The following OLFM3 variants were observed in gnomAD, a reference collection of about 807,000 sequenced individuals.
The protein encoded by OLFM3 is olfactomedin 3, also known as noelin-3.
A neutral mutation model predicts 48.6 loss-of-function variants in OLFM3; 20 were observed. The observed-to-expected ratio is 0.41, with a 90% CI of 0.29 to 0.60. The LOEUF (loss-of-function observed/expected upper bound fraction) is 0.60. OLFM3 is among the 20% of genes least tolerant of loss of function. The pLI is 0.28. For missense variants in OLFM3, 437 were observed against 544.3 expected (o/e 0.80, Z 1.96); for synonymous variants, 222 against 198.1 (o/e 1.12, Z -1.01).
At chr1:101,828,050 GTCTC>G (rs755584838) in intron 3 of OLFM3, among the ~76,000 whole-genome samples, 5 of 134,918 alleles carry the variant, frequency 3.7e-5, no homozygotes, top group Non-Finnish European at 7.9e-5. Flanking sequence ...CTGTCTGTCT[GTCTC>G]TCTCTCTCTC....
intron 5 of OLFM3, 102 bp downstream of exon 5, chr1:101,805,974 T>G (rs1653752783): frequency 1.4e-6 from 1 of 738,674 alleles, no homozygotes; most frequent in African/African-American, 1.8e-5. Context: ...GTACCAGTTT[T>G]CAAGTACAAA....
At chr1:101,876,376 A>C (rs1227939807) in intron 1 of OLFM3, among the ~76,000 whole-genome samples, 1 of 151,956 alleles carries the variant, frequency 6.6e-6, no homozygotes, top group Admixed American at 6.6e-5. Context: ...GGCAACGAGC[A>C]CTCAGAGAAA....
chr1:101,819,711 G>T (rs1400440010), intron 4 of OLFM3, among the ~76,000 whole-genome samples: 2 of 151,898 alleles, frequency 1.3e-5, no homozygotes, highest in Non-Finnish European at 2.9e-5. Context: ...ATCTGGGGGG[G>T]TCTTTATTAT....
At chr1:101,830,911 C>T in intron 2 of OLFM3, 84 bp from the exon 3 acceptor site, 20 of 1,276,298 alleles carry the variant, frequency 1.6e-5, no homozygotes, top group Non-Finnish European at 2.2e-5. Context: ...ATGCCGTTAA[C>T]ATAAAAACTA....
intron 1 of OLFM3, among the ~76,000 whole-genome samples, chr1:101,939,648 T>C (rs1314460555): frequency 6.6e-6 from 1 of 152,170 alleles, no homozygotes. Context: ...AGGAGTAGAC[T>C]CAATGTGTGT....
intron 1 of OLFM3, among the ~76,000 whole-genome samples, chr1:101,946,603 TAGTC>T (rs1474585893): frequency 6.6e-6 from 1 of 152,212 alleles, no homozygotes; most frequent in African/African-American, 2.4e-5. Context: ...ATTATGTTCT[TAGTC>T]ATTCAGTTAT....
At chr1:101,805,798 A>C (rs1363944719) in intron 5 of OLFM3, among the ~76,000 whole-genome samples, 1 of 151,796 alleles carries the variant, frequency 6.6e-6, no homozygotes, top group African/African-American at 2.4e-5. Flanking sequence ...TTTTAGAAAG[A>C]GTATACAGGA....
At chr1:101,919,842 A>G (rs1659039643) in intron 1 of OLFM3, among the ~76,000 whole-genome samples, 1 of 152,172 alleles carries the variant, frequency 6.6e-6, no homozygotes, top group African/African-American at 2.4e-5. Flanking sequence ...GGAGACTCAT[A>G]AACTCAGCAT....
chr1:101,941,365 T>C (rs1659790077), intron 1 of OLFM3, among the ~76,000 whole-genome samples: 1 of 152,128 alleles, frequency 6.6e-6, no homozygotes, highest in African/African-American at 2.4e-5. Context: ...TTGGTTTTCC[T>C]GGATGGAATT....
At chr1:101,881,478 T>C (rs1657523329) in intron 1 of OLFM3, among the ~76,000 whole-genome samples, 1 of 151,868 alleles carries the variant, frequency 6.6e-6, no homozygotes, top group South Asian at 2.1e-4. Flanking sequence ...GTTCAGTCTT[T>C]TCAGAATGAG....
intron 1 of OLFM3, among the ~76,000 whole-genome samples, chr1:101,989,704 A>G (rs889378373): frequency 2.0e-5 from 3 of 152,200 alleles, no homozygotes; most frequent in Non-Finnish European, 1.5e-5. Flanking sequence ...AAATATTACA[A>G]TAGCTAATTG....
chr1:101,915,685 C>T (rs1658902848), intron 1 of OLFM3, among the ~76,000 whole-genome samples: 1 of 152,136 alleles, frequency 6.6e-6, no homozygotes, highest in African/African-American at 2.4e-5. Flanking sequence ...AGAATGGTTT[C>T]ACGTCCTATC....
chr1:101,869,036 T>G (rs1656969485), intron 1 of OLFM3, among the ~76,000 whole-genome samples: 1 of 152,174 alleles, frequency 6.6e-6, no homozygotes, highest in African/African-American at 2.4e-5. Context: ...GGTACCCTCA[T>G]GGGGAAACAC....
intron 1 of OLFM3, among the ~76,000 whole-genome samples, chr1:101,895,445 A>ACACACT (rs912307039): frequency 6.9e-6 from 1 of 145,336 alleles, no homozygotes; most frequent in African/African-American, 2.5e-5. Flanking sequence ...ACACACACAC[A>ACACACT]CACTCACTCA....
intron 4 of OLFM3, among the ~76,000 whole-genome samples, chr1:101,816,605 C>T (rs1654348740): frequency 6.6e-6 from 1 of 152,090 alleles, no homozygotes; most frequent in Non-Finnish European, 1.5e-5. Context: ...AAATCTAGGC[C>T]ACAGCATTCA....
chr1:101,884,618 A>G (rs113167810), intron 1 of OLFM3, among the ~76,000 whole-genome samples: 2 of 152,162 alleles, frequency 1.3e-5, no homozygotes, highest in African/African-American at 4.8e-5. Flanking sequence ...GTGCAAATGC[A>G]GTCAATTTAT....
chr1:101,912,629 C>T (rs138745265), intron 1 of OLFM3, among the ~76,000 whole-genome samples: 3,762 of 152,244 alleles, frequency 0.025, 62 homozygotes, highest in Middle Eastern at 0.034. Flanking sequence ...GAGACGCCTA[C>T]AGGGAGAGAA....
intron 1 of OLFM3, among the ~76,000 whole-genome samples, chr1:101,897,730 A>G (rs1040279070): frequency 6.6e-6 from 1 of 152,204 alleles, no homozygotes; most frequent in Non-Finnish European, 1.5e-5. Context: ...ACATTAAAAT[A>G]TGAAATAAAT....
intron 1 of OLFM3, among the ~76,000 whole-genome samples, chr1:101,951,547 G>GCCT (rs1660144912): frequency 6.6e-6 from 1 of 152,114 alleles, no homozygotes; most frequent in Non-Finnish European, 1.5e-5. Flanking sequence ...ATCTGTAAGT[G>GCCT]CCTCAGAATT....
Sources: gnomAD v4.1 joint callset for allele counts (sites outside exome capture counted in the v4.1 genomes callset) on GRCh38, gnomAD v4.1.1 for gene constraint, MANE v1.5 for transcripts, NCBI Gene and HGNC (gene_info 2026-07-23, HGNC 2026-07-21) for gene names.